Variants in GRM7 observed in about 807,000 individuals in gnomAD.
GRM7 encodes glutamate metabotropic receptor 7, also known as metabotropic glutamate receptor 7.
Under a neutral mutation model 84.5 loss-of-function variants are expected in GRM7, and 35 were observed. That is an observed-to-expected ratio of 0.41 (90% CI 0.32 to 0.55). The LOEUF is 0.55. Among genes scored for constraint, GRM7 ranks in the 20% least tolerant of loss-of-function variants. The pLI is 0.19. For missense variants in GRM7, 1,003 were observed against 1,194.6 expected, an observed-to-expected ratio of 0.84 and a Z score of 2.36; for synonymous variants, 487 against 455.1, an observed-to-expected ratio of 1.07 and a Z score of -0.89.
chr3:6,886,888 T>C (rs1695716997), intron 1 of GRM7, among the ~76,000 whole-genome samples: 1 of 152,020 alleles, frequency 6.6e-6, no homozygotes, highest in Non-Finnish European at 1.5e-5. Context: ...ATAGATATTA[T>C]CTTCCAAGTT....
chr3:7,473,610 A>ATC (rs1698803130), intron 7 of GRM7, among the ~76,000 whole-genome samples: 1 of 152,102 alleles, frequency 6.6e-6, no homozygotes, highest in Non-Finnish European at 1.5e-5. Flanking sequence ...GGGGGTTTAA[A>ATC]TTAAGGCACT....
At chr3:7,593,947 G>GA (rs60265357) in intron 8 of GRM7, among the ~76,000 whole-genome samples, 121 of 142,598 alleles carry the variant, frequency 8.5e-4, no homozygotes, top group East Asian at 2.0e-3. Flanking sequence ...ACAGAAGGGG[G>GA]AAAAAAAAAA....
At chr3:7,694,212 A>G (rs1559492051) in intron 9 of GRM7, among the ~76,000 whole-genome samples, 1 of 152,208 alleles carries the variant, frequency 6.6e-6, no homozygotes, top group Admixed American at 6.5e-5. Context: ...CCTCATCTGC[A>G]AAATAGAACC....
chr3:7,398,913 T>A (rs913641755), intron 4 of GRM7, among the ~76,000 whole-genome samples: 1 of 151,914 alleles, frequency 6.6e-6, no homozygotes, highest in Admixed American at 6.6e-5. Flanking sequence ...ACAATTCCTT[T>A]CTATCTCCAT....
At chr3:6,909,970 T>C (rs1210095841) in intron 1 of GRM7, among the ~76,000 whole-genome samples, 5 of 152,096 alleles carry the variant, frequency 3.3e-5, no homozygotes, top group Non-Finnish European at 5.9e-5. Flanking sequence ...GATTCCTCAA[T>C]GGACTGATCC....
chr3:7,278,084 A>G (rs1045824240), intron 2 of GRM7, among the ~76,000 whole-genome samples: 4 of 151,988 alleles, frequency 2.6e-5, no homozygotes, highest in African/African-American at 9.7e-5. Flanking sequence ...CATTTCTTCT[A>G]TTTTATAGGG....
At chr3:7,488,554 T>C (rs1241383338) in intron 7 of GRM7, among the ~76,000 whole-genome samples, 1 of 152,168 alleles carries the variant, frequency 6.6e-6, no homozygotes, top group Non-Finnish European at 1.5e-5. Context: ...GCCCTCGTAT[T>C]TGCTCTCTTT....
intron 2 of GRM7, among the ~76,000 whole-genome samples, chr3:7,248,497 AG>A (rs1463962582): frequency 6.6e-6 from 1 of 152,194 alleles, no homozygotes; most frequent in Non-Finnish European, 1.5e-5. Context: ...TTTGGATGAC[AG>A]AAATGCTTTT....
At chr3:7,519,740 T>C (rs1035165658) in intron 7 of GRM7, 2 of 152,190 alleles carry the variant, frequency 1.3e-5, no homozygotes, top group African/African-American at 4.8e-5. Context: ...CAAGACAAAT[T>C]TGTTTTGCTC....
chr3:7,599,048 T>C (rs1696184278), intron 8 of GRM7, among the ~76,000 whole-genome samples: 1 of 152,148 alleles, frequency 6.6e-6, no homozygotes, highest in Admixed American at 6.6e-5. Flanking sequence ...ACTGTAGAAA[T>C]GATGTAGTTA....
chr3:6,970,589 C>T (rs1252813321), intron 1 of GRM7, among the ~76,000 whole-genome samples: 1 of 152,068 alleles, frequency 6.6e-6, no homozygotes, highest in East Asian at 1.9e-4. Flanking sequence ...GGAATTTGAG[C>T]GTAGCTGGAC....
intron 2 of GRM7, among the ~76,000 whole-genome samples, chr3:7,234,266 T>G (rs146646103): frequency 1.1e-3 from 175 of 152,326 alleles, no homozygotes; most frequent in African/African-American, 3.7e-3. Flanking sequence ...GGAAAACATG[T>G]ACCTGTCTCT....
intron 4 of GRM7, among the ~76,000 whole-genome samples, chr3:7,354,213 A>G (rs1693286629): frequency 6.6e-6 from 1 of 152,146 alleles, no homozygotes; most frequent in South Asian, 2.1e-4. Context: ...GGGGAAAAGG[A>G]AATAACCAGA....
At chr3:7,726,402 T>C (rs1455361928) in intron 9 of GRM7, among the ~76,000 whole-genome samples, 2 of 151,986 alleles carry the variant, frequency 1.3e-5, no homozygotes, top group East Asian at 1.9e-4. Context: ...GATAGCATTA[T>C]AGAAAATGTA....
intron 1 of GRM7, among the ~76,000 whole-genome samples, chr3:6,882,919 A>T (rs958584456): frequency 1.3e-5 from 2 of 152,164 alleles, no homozygotes; most frequent in African/African-American, 4.8e-5. Context: ...TCCTGCATTT[A>T]TTCATTTCCT....
intron 4 of GRM7, among the ~76,000 whole-genome samples, chr3:7,313,324 C>T (rs1328733669): frequency 2.0e-5 from 3 of 152,026 alleles, no homozygotes; most frequent in Non-Finnish European, 4.4e-5. Flanking sequence ...CAGAGGAAGG[C>T]AGAAAAGACA....
intron 2 of GRM7, among the ~76,000 whole-genome samples, chr3:7,272,526 C>T (rs955169648): frequency 2.0e-5 from 3 of 152,062 alleles, no homozygotes; most frequent in African/African-American, 7.2e-5. Flanking sequence ...GTTTCAATTT[C>T]CTTAATGTGT....
At chr3:7,040,107 C>G (rs2124939721) in intron 1 of GRM7, among the ~76,000 whole-genome samples, 1 of 152,290 alleles carries the variant, frequency 6.6e-6, no homozygotes, top group East Asian at 1.9e-4. Context: ...GGGCCCCATT[C>G]CAAGACTGCC....
rs573399758 is a variant in GRM7 at position 7,415,300 on chromosome 3, G to A, written c.1174+137G>A. 2.7e-5 allele frequency: 19 copies of A among 710,810 alleles called. No individual in the cohort carries two copies. In the South Asian group the frequency reaches 2.9e-4, roughly 11 times the overall value. The allele number at this position is 710,810 out of a possible 1,614,324, so 44.0% of individuals were successfully genotyped here. On this transcript the variant is annotated intron_variant, in intron 5 of 9. Transcript: ENST00000357716. ...AATTTTACTAGATTGTTCAGAAAATGGAACAGGAGCATACGTCTTGCAGGA... is the reference window on the plus strand; with the variant it reads ...AATTTTACTAGATTGTTCAGAAAATAGAACAGGAGCATACGTCTTGCAGGA...
Sources: gnomAD v4.1 joint callset for allele counts (sites outside exome capture counted in the v4.1 genomes callset) on GRCh38, gnomAD v4.1.1 for gene constraint, MANE v1.5 for transcripts, NCBI Gene and HGNC (gene_info 2026-07-23, HGNC 2026-07-21) for gene names.